Variants in GALNTL6 observed in about 807,000 individuals in gnomAD.
GALNTL6 encodes the protein polypeptide N-acetylgalactosaminyltransferase like 6.
In GALNTL6, 46 loss-of-function variants were observed where a neutral mutation model predicts 73.7. The ratio of observed to expected loss-of-function variants is 0.62; its 90% CI spans 0.49 to 0.80. GALNTL6 has a LOEUF of 0.80. GALNTL6 is among the 30% of genes least tolerant of loss of function. The pLI is 0.00. For missense variants in GALNTL6, 604 were observed against 755.0 expected, an observed-to-expected ratio of 0.80 and a Z score of 2.34; for synonymous variants, 259 against 263.7, an observed-to-expected ratio of 0.98 and a Z score of 0.17.
chr4:172,348,817 A>G (rs1417499389), intron 5 of GALNTL6, 128 bp downstream of exon 5: 2 of 540,662 alleles, frequency 3.7e-6, no homozygotes, highest in African/African-American at 1.9e-5. Context: ...AGTTTTATCT[A>G]TGTTGTGATT....
chr4:172,514,958 C>A (rs1734552399), intron 5 of GALNTL6, among the ~76,000 whole-genome samples: 1 of 152,184 alleles, frequency 6.6e-6, no homozygotes, highest in South Asian at 2.1e-4. Context: ...TTGGCTATCT[C>A]TCAGAATTTG....
chr4:172,228,358 A>G (rs1736939259), intron 2 of GALNTL6, among the ~76,000 whole-genome samples: 1 of 152,102 alleles, frequency 6.6e-6, no homozygotes, highest in Non-Finnish European at 1.5e-5. Context: ...TATGAGCAAC[A>G]AATTCTTTGA....
intron 5 of GALNTL6, among the ~76,000 whole-genome samples, chr4:172,497,994 TTTTTTTTG>T (rs1734124948): frequency 1.6e-4 from 24 of 147,380 alleles, no homozygotes; most frequent in Non-Finnish European, 2.5e-4. Context: ...CACATTTCTT[TTTTTTTTG>T]TTTTTTTGAG....
chr4:172,560,587 C>T (rs1313636403), intron 5 of GALNTL6, among the ~76,000 whole-genome samples: 1 of 152,184 alleles, frequency 6.6e-6, no homozygotes, highest in Non-Finnish European at 1.5e-5. Context: ...TGTAGCCACT[C>T]TATGCATGTA....
At chr4:172,748,471 T>A (rs550609840) in intron 5 of GALNTL6, among the ~76,000 whole-genome samples, 10 of 151,204 alleles carry the variant, frequency 6.6e-5, no homozygotes, top group South Asian at 4.2e-4. Context: ...AAGAATATAT[T>A]TTTTTTTTCT....
chr4:172,930,737 A>G (rs1748286434), intron 8 of GALNTL6, among the ~76,000 whole-genome samples: 1 of 152,212 alleles, frequency 6.6e-6, no homozygotes, highest in African/African-American at 2.4e-5. Context: ...GCTGAAGTGC[A>G]GTGGTGCAAA....
chr4:172,400,574 C>T (rs546712739), intron 5 of GALNTL6, among the ~76,000 whole-genome samples: 8 of 152,228 alleles, frequency 5.3e-5, no homozygotes, highest in East Asian at 3.9e-4. Flanking sequence ...AGACTTTACA[C>T]GAACTTGTGA....
intron 5 of GALNTL6, among the ~76,000 whole-genome samples, chr4:172,595,555 A>C (rs554477363): frequency 6.4e-4 from 97 of 152,336 alleles, no homozygotes; most frequent in African/African-American, 2.2e-3. Flanking sequence ...TAACATTGTT[A>C]ATGAGAGAAA....
chr4:172,968,792 T>A (rs1750444718), intron 10 of GALNTL6, among the ~76,000 whole-genome samples: 1 of 152,192 alleles, frequency 6.6e-6, no homozygotes, highest in Admixed American at 6.5e-5. Context: ...ATTTTTTTAA[T>A]ACTTCACAGT....
At chr4:172,052,008 G>A (rs150606047) in intron 2 of GALNTL6, among the ~76,000 whole-genome samples, 1 of 152,180 alleles carries the variant, frequency 6.6e-6, no homozygotes, top group African/African-American at 2.4e-5. Flanking sequence ...AGCTTAATAT[G>A]GTGATCCTGA....
intron 2 of GALNTL6, among the ~76,000 whole-genome samples, chr4:172,151,986 CTA>C (rs1406727460): frequency 7.8e-6 from 1 of 128,500 alleles, no homozygotes; most frequent in Non-Finnish European, 1.7e-5. Flanking sequence ...ATCTATCTAT[CTA>C]TGTTTTTAAA....
intron 4 of GALNTL6, among the ~76,000 whole-genome samples, chr4:172,340,334 G>C (rs184447983): frequency 6.6e-6 from 1 of 152,114 alleles, no homozygotes; most frequent in Non-Finnish European, 1.5e-5. Context: ...GCATCCCAGG[G>C]ATAAGTCCAG....
At chr4:172,947,972 C>A (rs1249951211) in intron 9 of GALNTL6, among the ~76,000 whole-genome samples, 1 of 152,126 alleles carries the variant, frequency 6.6e-6, no homozygotes, top group Non-Finnish European at 1.5e-5. Context: ...AATGTTTTCC[C>A]CAAAACTAAG....
chr4:172,487,297 T>TCCTTC (rs1733711090), intron 5 of GALNTL6, among the ~76,000 whole-genome samples: 1 of 61,504 alleles, frequency 1.6e-5, no homozygotes, highest in Non-Finnish European at 3.8e-5. Context: ...CTTCTTTCCT[T>TCCTTC]CTGTCTTTCT....
intron 5 of GALNTL6, among the ~76,000 whole-genome samples, chr4:172,553,141 T>C (rs778968203): frequency 6.6e-6 from 1 of 152,188 alleles, no homozygotes; most frequent in Non-Finnish European, 1.5e-5. Flanking sequence ...AAATTGCCAA[T>C]ATTTGGTTTT....
chr4:172,083,633 A>G (rs560363770), intron 2 of GALNTL6, among the ~76,000 whole-genome samples: 3 of 152,156 alleles, frequency 2.0e-5, no homozygotes, highest in African/African-American at 7.2e-5. Flanking sequence ...ATATTACTCA[A>G]TATAGCAAAC....
chr4:173,020,902 G>A (rs139192593), intron 11 of GALNTL6, among the ~76,000 whole-genome samples: 2,091 of 152,174 alleles, frequency 0.014, 44 homozygotes, highest in African/African-American at 0.045. Context: ...GTGAAACCCC[G>A]TCTCTACTAA....
chr4:172,973,397 T>C (rs1469529310), intron 10 of GALNTL6, among the ~76,000 whole-genome samples: 1 of 152,156 alleles, frequency 6.6e-6, no homozygotes, highest in African/African-American at 2.4e-5. Context: ...CTTCAGTCTA[T>C]AAGAAATTCA....
chr4:172,361,612 T>C (rs1027968519), intron 5 of GALNTL6, among the ~76,000 whole-genome samples: 1 of 152,118 alleles, frequency 6.6e-6, no homozygotes, highest in Non-Finnish European at 1.5e-5. Flanking sequence ...TGATGAATAA[T>C]ATCAGTGTAT....
Sources: gnomAD v4.1 joint callset for allele counts (sites outside exome capture counted in the v4.1 genomes callset) on GRCh38, gnomAD v4.1.1 for gene constraint, MANE v1.5 for transcripts, NCBI Gene and HGNC (gene_info 2026-07-23, HGNC 2026-07-21) for gene names.